RAD51B: variants seen among roughly 807,000 people sequenced by gnomAD.
The protein encoded by RAD51B is DNA repair protein RAD51 homolog 2.
RAD51B carries 38 observed loss-of-function variants against 42.2 expected under a neutral mutation model. That is an observed-to-expected ratio of 0.90 (90% CI 0.70 to 1.18). The LOEUF (loss-of-function observed/expected upper bound fraction) is 1.18, where lower values mean the gene tolerates loss of function less well. Among genes scored for constraint, RAD51B ranks in the 50% most tolerant of loss-of-function variants. RAD51B has a pLI of 0.00. For missense variants in RAD51B, 373 were observed against 400.7 expected (o/e 0.93, Z 0.59); for synonymous variants, 154 against 145.2 (o/e 1.06, Z -0.43).
chr14:68,194,824 T>C (rs1359965447), intron 7 of RAD51B, among the ~76,000 whole-genome samples: 1 of 152,206 alleles, frequency 6.6e-6, no homozygotes, highest in Non-Finnish European at 1.5e-5. Flanking sequence ...GTTAAAGATA[T>C]TCTTCCTTTA....
chr14:68,190,662 T>C (rs2079246943), intron 7 of RAD51B, among the ~76,000 whole-genome samples: 1 of 152,184 alleles, frequency 6.6e-6, no homozygotes, highest in Admixed American at 6.5e-5. Context: ...ATATTCTATG[T>C]ACTCTATATT....
intron 7 of RAD51B, among the ~76,000 whole-genome samples, chr14:68,111,008 C>T (rs145433481): frequency 1.2e-4 from 18 of 152,024 alleles, no homozygotes; most frequent in African/African-American, 3.9e-4. Context: ...AAGGTCTGGA[C>T]CAAATTTATT....
At chr14:68,090,302 G>A (rs543974618) in intron 7 of RAD51B, among the ~76,000 whole-genome samples, 1 of 152,096 alleles carries the variant, frequency 6.6e-6, no homozygotes, top group African/African-American at 2.4e-5. Flanking sequence ...GGATCTTTTG[G>A]TATTGAATGA....
At chr14:67,840,487 A>G (rs1231914703) in intron 4 of RAD51B, among the ~76,000 whole-genome samples, 1 of 152,218 alleles carries the variant, frequency 6.6e-6, no homozygotes, top group Non-Finnish European at 1.5e-5. Context: ...GCTGTGTAGT[A>G]GTCCATGGTA....
Position 68,331,367 on chromosome 14 carries a change from C to CAAAAAAAAAAAAAAAAAAAAAAAAA in RAD51B, c.853+39405_853+39406insAAAAAAAAAAAAAAAAAAAAAAAAA, listed in dbSNP as rs778136542. Among the ~76,000 whole-genome samples, 176 of 32,886 alleles carry CAAAAAAAAAAAAAAAAAAAAAAAAA rather than the reference C, an allele frequency of 5.4e-3. 36 individuals carry two copies. Among genetic ancestry groups the CAAAAAAAAAAAAAAAAAAAAAAAAA allele is most frequent in the Non-Finnish European group, 9.5e-3 (125 of 13,148 alleles). 21.6% of individuals were successfully genotyped at this position (32,886 alleles called of 152,430 possible). On this transcript the variant is annotated intron_variant, in intron 8 of 10. Transcript: ENST00000471583. ...TGGGCTACAGAACGAGACTCTGTCT[C>CAAAAAAAAAAAAAAAAAAAAAAAAA]AAAAAAAAAAAAAAAAAAGCAATGG...
In RAD51B at chr14:68,087,848, TTATATATATAATTATATA is replaced by T. The variant is rs2077009879; in HGVS notation, c.756+200645_756+200662del. Reference sequence around the variant, plus strand: ...TTTTAAATATTTAATTATATAATTATTATATATATAATTATATAATATATTATTTATATAATTATATAA... The same window carrying T: ...TTTTAAATATTTAATTATATAATTATATATATTATTTATATAATTATATAA... On this transcript the variant is annotated intron_variant, in intron 7 of 10. Transcript: ENST00000471583. Among the ~76,000 whole-genome samples the T allele has an allele frequency of 1.6e-5, 2 of 125,986 alleles. 1 individual carries two copies. The highest frequency in any genetic ancestry group is 6.5e-5 in the African/African-American group (2 of 30,600). The allele number at this position is 125,986 out of a possible 152,430, so 82.7% of individuals were successfully genotyped here. A position where few individuals can be genotyped will look rare whatever the true frequency, so the allele number is the denominator to read the frequency against.
At chr14:68,653,744 G>A (rs1343426189) in intron 11 of RAD51B, among the ~76,000 whole-genome samples, 2 of 152,242 alleles carry the variant, frequency 1.3e-5, no homozygotes, top group Non-Finnish European at 2.9e-5. Flanking sequence ...CCCTACCATG[G>A]AGACACGAAC....
intron 7 of RAD51B, among the ~76,000 whole-genome samples, chr14:68,257,353 C>T (rs1018662468): frequency 1.3e-5 from 2 of 151,674 alleles, no homozygotes; most frequent in South Asian, 2.1e-4. Context: ...ATAAGCATTA[C>T]GCTACATATT....
intron 7 of RAD51B, among the ~76,000 whole-genome samples, chr14:67,928,924 CT>C (rs1237152297): frequency 2.0e-5 from 3 of 152,040 alleles, no homozygotes; most frequent in Admixed American, 6.6e-5. Context: ...CTCTGATGAT[CT>C]TTTGTACTTC....
At chr14:68,310,994 T>A (rs78240991) in intron 8 of RAD51B, among the ~76,000 whole-genome samples, 1 of 152,104 alleles carries the variant, frequency 6.6e-6, no homozygotes, top group Non-Finnish European at 1.5e-5. Context: ...GTGCAGTCTC[T>A]CCAGAACGTT....
chr14:67,855,397 AT>A (rs375512329), intron 4 of RAD51B, among the ~76,000 whole-genome samples: 52,798 of 143,390 alleles, frequency 0.37, 9,604 homozygotes, highest in Middle Eastern at 0.49. Context: ...CGCTTGGCTA[AT>A]TTTTTTTTTT....
At chr14:68,198,038 A>G (rs2079408067) in intron 7 of RAD51B, among the ~76,000 whole-genome samples, 1 of 152,156 alleles carries the variant, frequency 6.6e-6, no homozygotes, top group South Asian at 2.1e-4. Context: ...TCATGGTTGC[A>G]GCAATCTTCT....
At chr14:68,470,569 C>G in intron 10 of RAD51B, 1 of 505,582 alleles carries the variant, frequency 2.0e-6, no homozygotes, top group Non-Finnish European at 3.9e-6. Context: ...TGAAAACTGT[C>G]GCAACCCATT....
Position 68,611,480 on chromosome 14 carries a change from G to GAGTGATTAGAGCTTCTGCCC in RAD51B, c.*234_*253dup. The GAGTGATTAGAGCTTCTGCCC allele has an allele frequency of 1.1e-5, 6 of 552,582 alleles. No individual in the cohort carries two copies. The South Asian group carries it at 1.2e-4, about 12-fold the overall frequency. 34.2% of individuals were successfully genotyped at this position (552,582 alleles called of 1,614,324 possible). On this transcript the variant is annotated 3_prime_UTR_variant, in exon 11 of 11. Coordinates refer to the RAD51B transcript ENST00000487861. ...ATTTCCTCCAGCTGGGTCTTCTGCA[G>GAGTGATTAGAGCTTCTGCCC]AGTGATTAGAGCTTCTGCCCTCCTT...
intron 10 of RAD51B, among the ~76,000 whole-genome samples, chr14:68,584,025 G>A (rs1195346336): frequency 6.6e-6 from 1 of 152,122 alleles, no homozygotes; most frequent in Non-Finnish European, 1.5e-5. Context: ...GGAGGAAGGA[G>A]CTTTAAAGGT....
chr14:68,503,370 G>A (rs1885053075), intron 10 of RAD51B, among the ~76,000 whole-genome samples: 1 of 118,756 alleles, frequency 8.4e-6, no homozygotes, highest in Non-Finnish European at 1.7e-5. Context: ...AAGCCTTTAG[G>A]AGTAGACAGA....
At chr14:67,842,053 A>C (rs141753739) in intron 4 of RAD51B, among the ~76,000 whole-genome samples, 1 of 152,158 alleles carries the variant, frequency 6.6e-6, no homozygotes, top group Non-Finnish European at 1.5e-5. Flanking sequence ...TGTATCATCT[A>C]TGATTTCTTG....
At chr14:68,486,168 G>A (rs892395738) in intron 10 of RAD51B, among the ~76,000 whole-genome samples, 3 of 152,160 alleles carry the variant, frequency 2.0e-5, no homozygotes, top group Admixed American at 6.5e-5. Flanking sequence ...CTTGAACTCC[G>A]GGTATGTCAA....
intron 10 of RAD51B, among the ~76,000 whole-genome samples, chr14:68,605,009 A>C (rs1384405943): frequency 2.0e-5 from 3 of 152,024 alleles, no homozygotes; most frequent in African/African-American, 7.3e-5. Context: ...GGCTCCTCAG[A>C]CGCCCACCGG....
Sources: allele counts gnomAD v4.1 joint callset (sites outside exome capture counted in the v4.1 genomes callset), GRCh38; gene constraint gnomAD v4.1.1; transcripts MANE v1.5; gene names NCBI Gene and HGNC (gene_info 2026-07-23, HGNC 2026-07-21).